RHNO1: variants seen among roughly 807,000 people sequenced by gnomAD.
The protein encoded by RHNO1 is RAD9, HUS1, RAD1-interacting nuclear orphan protein 1.
RHNO1 carries 9 observed loss-of-function variants against 7.2 expected under a neutral mutation model. That is an observed-to-expected ratio of 1.25 (90% CI 0.75 to 2.18). The LOEUF (loss-of-function observed/expected upper bound fraction) is 2.18, where lower values mean the gene tolerates loss of function less well. Among genes scored for constraint, RHNO1 ranks in the 30% most tolerant of loss-of-function variants. The pLI is 0.00. For missense variants in RHNO1, 292 were observed against 284.5 expected (o/e 1.03, Z -0.19); for synonymous variants, 95 against 107.5 (o/e 0.88, Z 0.72).
chr12:2,887,478 C>CA (rs11310263), intron 2 of RHNO1, among the ~76,000 whole-genome samples: 1,688 of 88,906 alleles, frequency 0.019, 16 homozygotes, highest in African/African-American at 0.038. Context: ...ACTCTGTCTC[C>CA]AAAAAAAAAA....
intron 2 of RHNO1, chr12:2,886,286 G>A (rs1565490107): frequency 1.3e-5 from 2 of 152,154 alleles, no homozygotes; most frequent in Non-Finnish European, 2.9e-5. Context: ...TGTTTATTGT[G>A]TAATGGATTG....
intron 2 of RHNO1, 27 bp downstream of exon 2, chr12:2,885,561 A>ATTTTTTTTT (rs10558952): frequency 1.0e-5 from 4 of 399,324 alleles, no homozygotes; most frequent in African/African-American, 6.5e-5. Context: ...ACTATTTGAC[A>ATTTTTTTTT]TTTTTTTTTT....
intron 1 of RHNO1, among the ~76,000 whole-genome samples, chr12:2,879,444 C>T (rs2098154498): frequency 2.0e-5 from 3 of 151,988 alleles, no homozygotes; most frequent in South Asian, 4.1e-4. Flanking sequence ...GTGATCTGCC[C>T]ACCTCAGCCT....
Position 2,885,866 on chromosome 12 carries a change from CGCCCG to C in RHNO1, c.168+336_168+340del, listed in dbSNP as rs1565489891. The C allele has an allele frequency of 3.6e-3, 586 of 164,490 alleles. 18 individuals carry two copies. The highest frequency in any genetic ancestry group is 6.4e-4 in the Non-Finnish European group (49 of 76,892). 10.2% of individuals were successfully genotyped at this position (164,490 alleles called of 1,614,324 possible). ...CTGGGATTATAGGCGTGAACCACCG[CGCCCG>C]GCCTACTTTGACTTTTACTCTGTTA... On this transcript the variant is annotated intron_variant, in intron 2 of 2. Coordinates refer to ENST00000489288, the MANE Select transcript of RHNO1 (RefSeq NM_001252499.3).
rs749385879 is a variant in RHNO1, at chr12:2,888,310, A to G, written c.568A>G (p.Asn190Asp). ...LSCTLHTGTP[N>D]SPEPGPVLVK... ...CTGCACTCTTCACACTGGCACTCCTAATAGCCCAGAGCCTGGACCTGTTCT... is the reference window on the plus strand; with the variant it reads ...CTGCACTCTTCACACTGGCACTCCTGATAGCCCAGAGCCTGGACCTGTTCT... The change falls in exon 3 of 3, where the codon AAT (asparagine) becomes GAT (aspartate). Residue 190 changes from asparagine to aspartate, a missense_variant. Physicochemically the swap from Asn to Asp is conservative, Grantham distance 23. Coordinates refer to ENST00000489288, the MANE Select transcript of RHNO1 (RefSeq NM_001252499.3). 4 of 1,614,136 alleles carry G rather than the reference A, an allele frequency of 2.5e-6. No individual in the cohort carries two copies. The highest frequency in any genetic ancestry group is 3.3e-5 in the Admixed American group (2 of 60,016).
intron 1 of RHNO1, among the ~76,000 whole-genome samples, chr12:2,877,588 T>G (rs1033549719): frequency 5.9e-5 from 9 of 152,122 alleles, no homozygotes; most frequent in Non-Finnish European, 8.8e-5. Flanking sequence ...TCCCCCCGAT[T>G]AGACTAAGTT....
chr12:2,877,253 A>G lies in RHNO1; in HGVS notation c.-114A>G, dbSNP rs1022431955. On this transcript the variant is annotated 5_prime_UTR_variant, in exon 1 of 3. Coordinates refer to ENST00000489288, the MANE Select transcript of RHNO1 (RefSeq NM_001252499.3). ...GGGCTCGAAGGCTGTGCGGTCTGCC[A>G]GGAGCTGCGGCCCCGTCCGGCCCGG... 5 of 152,258 alleles carry G rather than the reference A, an allele frequency of 3.3e-5. No individual in the cohort carries two copies. Among genetic ancestry groups the G allele is most frequent in the Admixed American group, 6.5e-5 (1 of 15,284 alleles). The allele number at this position is 152,258 out of a possible 1,614,324, so 9.4% of individuals were successfully genotyped here. A position where few individuals can be genotyped will look rare whatever the true frequency, so the allele number is the denominator to read the frequency against.
intron 2 of RHNO1, chr12:2,887,010 GAC>G: frequency 2.2e-6 from 1 of 455,876 alleles, no homozygotes; most frequent in Non-Finnish European, 4.4e-6. Flanking sequence ...TCAAGAACAA[GAC>G]CACTGGTCCC....
Position 2,887,985 on chromosome 12 carries a change from C to G in RHNO1, c.243C>G (p.His81Gln). 1 of 1,613,772 alleles carries G rather than the reference C, an allele frequency of 6.2e-7. No individual in the cohort carries two copies. The highest frequency in any genetic ancestry group is 8.5e-7 in the Non-Finnish European group (1 of 1,179,914). Residue 81 changes from histidine (H) to glutamine (Q), a missense_variant, in exon 3 of 3, where the codon CAC (histidine) becomes CAG (glutamine). Physicochemically the swap from His to Gln is conservative, Grantham distance 24. Coordinates refer to ENST00000489288, the MANE Select transcript of RHNO1 (RefSeq NM_001252499.3). ...AGAAACACCAAAACCGGGCGAGACA[C>G]TCAAGTCGAAAACCTACCACCTCCA... The part of the protein sequence containing the change: ...AYQKHQNRAR[H>Q]SSRKPTTSKF...
At chr12:2,878,147 G>A (rs1440428874) in intron 1 of RHNO1, 1 of 152,240 alleles carries the variant, frequency 6.6e-6, no homozygotes, top group Non-Finnish European at 1.5e-5. Flanking sequence ...ACTCCAGCCT[G>A]GGCGACAGAG....
In RHNO1 at chr12:2,888,120, A is replaced by G. The variant is rs1373344157; in HGVS notation, c.378A>G (p.Arg126=). 6.2e-7 allele frequency: 1 copy of G among 1,613,518 alleles called. No individual in the cohort carries two copies. The highest frequency in any genetic ancestry group is 8.5e-7 in the Non-Finnish European group (1 of 1,179,828). ...AATCAGAAAAGGATGTTTCCAGAAG[A>G]CCCTTAGTTCCAGTGCTCAGTCCCC... is the stretch of plus-strand genomic sequence containing the variant. The part of the protein sequence containing the change: ...PSESEKDVSR[R]PLVPVLSPQS... The change falls in exon 3 of 3, where the codon AGA becomes AGG. Residue 126 remains arginine (R), a synonymous_variant. Transcript: ENST00000489288.
intron 1 of RHNO1, among the ~76,000 whole-genome samples, chr12:2,881,235 A>T (rs6489404): frequency 0.44 from 66,029 of 151,438 alleles, 15,323 homozygotes; most frequent in East Asian, 0.64. Context: ...CCTGAGTAGC[A>T]GGGATTATAG....
intron 1 of RHNO1, among the ~76,000 whole-genome samples, chr12:2,883,511 A>ATATATATATATATAT (rs2098161542): frequency 8.2e-4 from 22 of 26,840 alleles, no homozygotes; most frequent in South Asian, 3.2e-3. Context: ...ATATATATAT[A>ATATATATATATATAT]TTTTTTTTTT....
intron 1 of RHNO1, 135 bp from the exon 2 acceptor site, chr12:2,885,147 GC>G (rs2098163698): frequency 2.3e-5 from 11 of 487,096 alleles, no homozygotes; most frequent in Non-Finnish European, 3.6e-5. Context: ...ATTGTGTTTT[GC>G]TTGGTGGTTG....
At position 2,888,804 on chromosome 12, in the gene RHNO1, G is replaced by A. The variant is rs1034282155; in HGVS notation, c.*345G>A. 3 of 194,904 alleles carry A rather than the reference G, an allele frequency of 1.5e-5. No individual in the cohort carries two copies. The highest frequency in any genetic ancestry group is 2.3e-5 in the African/African-American group (1 of 43,048). The allele number at this position is 194,904 out of a possible 1,614,324, so 12.1% of individuals were successfully genotyped here. On this transcript the variant is annotated 3_prime_UTR_variant, in exon 3 of 3. Coordinates refer to ENST00000489288, the MANE Select transcript of RHNO1 (RefSeq NM_001252499.3). ...CTTGACCTCACAAAGTGCTGGCCCA[G>A]CCGAGATTTGTTTTCTAAGATACTT...
At chr12:2,883,664 G>A (rs1446368915) in intron 1 of RHNO1, among the ~76,000 whole-genome samples, 2 of 150,160 alleles carry the variant, frequency 1.3e-5, no homozygotes, top group African/African-American at 2.4e-5. Context: ...TTACAGGCAT[G>A]TGCCACCACG....
Position 2,888,008 on chromosome 12 carries a change from C to T in RHNO1, c.266C>T (p.Ser89Phe), listed in dbSNP as rs762715723. Residue 89 changes from serine to phenylalanine, a missense_variant, in exon 3 of 3, where the codon TCC becomes TTC. Transcript: ENST00000489288. ...ARHSSRKPTT[S>F]KFPHLTFESP... ...CACTCAAGTCGAAAACCTACCACCT[C>T]CAAGTTTCCACATCTAACTTTTGAG... 1 of 1,614,050 alleles carries T rather than the reference C, an allele frequency of 6.2e-7. No individual in the cohort carries two copies. Among genetic ancestry groups the T allele is most frequent in the Non-Finnish European group, 8.5e-7 (1 of 1,180,040 alleles).
chr12:2,882,069 T>C (rs1303933020), intron 1 of RHNO1, among the ~76,000 whole-genome samples: 1 of 151,826 alleles, frequency 6.6e-6, no homozygotes, highest in Non-Finnish European at 1.5e-5. Flanking sequence ...TCCAGCATGC[T>C]CAGCTGCAAC....
At chr12:2,881,820 G>A (rs569996000) in intron 1 of RHNO1, among the ~76,000 whole-genome samples, 8 of 151,328 alleles carry the variant, frequency 5.3e-5, no homozygotes, top group African/African-American at 7.3e-5. Context: ...CAGGAGAATC[G>A]CTTGAACCCA....
Sources: allele counts gnomAD v4.1 joint callset (sites outside exome capture counted in the v4.1 genomes callset), GRCh38; gene constraint gnomAD v4.1.1; transcripts MANE v1.5; gene names NCBI Gene and HGNC (gene_info 2026-07-23, HGNC 2026-07-21).